NTRK2: variants seen among roughly 807,000 people sequenced by gnomAD.
The protein encoded by NTRK2 is BDNF/NT-3 growth factors receptor.
In NTRK2, 13 loss-of-function variants were observed where a neutral mutation model predicts 94.5. The ratio of observed to expected loss-of-function variants is 0.14; its 90% CI spans 0.09 to 0.22. The LOEUF (loss-of-function observed/expected upper bound fraction) is 0.22. Among genes scored for constraint, NTRK2 ranks in the 10% least tolerant of loss-of-function variants. The pLI is 1.00. For missense variants in NTRK2, 639 were observed against 1,071.2 expected (o/e 0.60, Z 5.63); for synonymous variants, 372 against 407.4 (o/e 0.91, Z 1.05).
At chr9:84,799,731 G>A (rs1021863541) in intron 12 of NTRK2, among the ~76,000 whole-genome samples, 11 of 152,000 alleles carry the variant, frequency 7.2e-5, no homozygotes, top group Non-Finnish European at 1.0e-4. Flanking sequence ...TTGGTATTCC[G>A]TGCCATTCTA....
chr9:84,677,297 CT>C (rs1405046981), intron 2 of NTRK2, among the ~76,000 whole-genome samples: 2 of 152,102 alleles, frequency 1.3e-5, no homozygotes, highest in East Asian at 3.9e-4. Context: ...TTTCTTCCCC[CT>C]GACTTCTCAA....
intron 6 of NTRK2, among the ~76,000 whole-genome samples, chr9:84,712,274 C>T (rs1349412251): frequency 2.6e-5 from 4 of 152,274 alleles, no homozygotes; most frequent in South Asian, 4.1e-4. Context: ...GGCAGCATTC[C>T]GGGAATGCAC....
chr9:84,905,606 T>C (rs184540197), intron 14 of NTRK2, among the ~76,000 whole-genome samples: 383 of 152,292 alleles, frequency 2.5e-3, no homozygotes, highest in African/African-American at 8.8e-3. Context: ...AAATTTTAGG[T>C]GTATACTGGC....
intron 14 of NTRK2, among the ~76,000 whole-genome samples, chr9:84,918,805 C>G (rs533773686): frequency 5.3e-5 from 8 of 152,300 alleles, no homozygotes; most frequent in Non-Finnish European, 8.8e-5. Context: ...ATTTTCATCA[C>G]TACCACTATA....
At chr9:84,712,618 T>C (rs2061483986) in intron 6 of NTRK2, among the ~76,000 whole-genome samples, 1 of 152,184 alleles carries the variant, frequency 6.6e-6, no homozygotes, top group African/African-American at 2.4e-5. Context: ...CGTTTTTGTG[T>C]TCTTAACTGT....
intron 14 of NTRK2, among the ~76,000 whole-genome samples, chr9:84,908,416 A>G (rs2077139677): frequency 6.6e-6 from 1 of 152,256 alleles, no homozygotes; most frequent in Non-Finnish European, 1.5e-5. Flanking sequence ...GACACAAAGA[A>G]AGAAAAAACG....
chr9:84,869,746 T>C lies in NTRK2; in HGVS notation c.1633+2315T>C, dbSNP rs75921374. ...GTGTACCTTTGATGTCGGCCACATGTTGACCAGATGTAGCTTTATATTACT... is the reference window on the plus strand; with the variant it reads ...GTGTACCTTTGATGTCGGCCACATGCTGACCAGATGTAGCTTTATATTACT... On this transcript the variant is annotated intron_variant, in intron 14 of 18. Coordinates refer to ENST00000277120, the MANE Select transcript of NTRK2 (RefSeq NM_006180.6). 6.6e-3 allele frequency among the ~76,000 whole-genome samples: 1,001 copies of C among 152,230 alleles called. 19 individuals carry two copies. In the East Asian group the frequency reaches 0.076, roughly 12 times the overall value.
intron 2 of NTRK2, among the ~76,000 whole-genome samples, chr9:84,697,716 C>T (rs565167379): frequency 2.0e-5 from 3 of 152,262 alleles, no homozygotes; most frequent in Non-Finnish European, 2.9e-5. Flanking sequence ...GAGGGGGCAG[C>T]GCAGCACACA....
intron 12 of NTRK2, among the ~76,000 whole-genome samples, chr9:84,852,489 C>T (rs972717234): frequency 6.6e-6 from 1 of 152,158 alleles, no homozygotes; most frequent in Admixed American, 6.5e-5. Flanking sequence ...TTTCTCACGT[C>T]TGTCAACTCT....
intron 14 of NTRK2, chr9:84,872,413 T>A: frequency 9.3e-7 from 1 of 1,079,678 alleles, no homozygotes; most frequent in Non-Finnish European, 1.1e-6. Context: ...ACACTATAGA[T>A]GTCCTCCCTA....
At chr9:84,812,539 A>G (rs2071925687) in intron 12 of NTRK2, 2 of 1,046,396 alleles carry the variant, frequency 1.9e-6, no homozygotes, top group East Asian at 5.6e-5. Context: ...ATCTTTCCCA[A>G]AGGTGTTGAT....
intron 17 of NTRK2, among the ~76,000 whole-genome samples, chr9:85,004,053 G>GAAAAGAAAGAAAGAAA (rs1316613240): frequency 1.5e-5 from 1 of 64,822 alleles, no homozygotes; most frequent in African/African-American, 6.1e-5. Flanking sequence ...AAGGGAGAAA[G>GAAAAGAAAGAAAGAAA]AGAAAGAAAG....
chr9:84,898,194 A>G (rs1359490198), intron 14 of NTRK2, among the ~76,000 whole-genome samples: 1 of 152,162 alleles, frequency 6.6e-6, no homozygotes, highest in Non-Finnish European at 1.5e-5. Context: ...GCCTAGCAAC[A>G]TCTGACTTCT....
At chr9:85,014,063 G>A (rs1831943169) in intron 17 of NTRK2, among the ~76,000 whole-genome samples, 1 of 152,208 alleles carries the variant, frequency 6.6e-6, no homozygotes, top group African/African-American at 2.4e-5. Flanking sequence ...GAAGGGAGAT[G>A]ACAGAGGGAG....
intron 7 of NTRK2, 105 bp downstream of exon 7, chr9:84,723,814 A>G (rs1200448263): frequency 6.8e-7 from 1 of 1,477,948 alleles, no homozygotes; most frequent in South Asian, 1.1e-5. Flanking sequence ...ATAAGGCTAC[A>G]TATAGAAATT....
intron 17 of NTRK2, among the ~76,000 whole-genome samples, chr9:85,004,009 AAAAGAAAGAGAGAAAG>A (rs1297247082): frequency 5.0e-5 from 1 of 20,096 alleles, no homozygotes; most frequent in Non-Finnish European, 1.1e-4. Flanking sequence ...AGAAAGAAAG[AAAAGAAAGAGAGAAAG>A]AAAGAAAGAG....
At chr9:84,914,958 C>T (rs918322345) in intron 14 of NTRK2, among the ~76,000 whole-genome samples, 1 of 152,142 alleles carries the variant, frequency 6.6e-6, no homozygotes, top group South Asian at 2.1e-4. Context: ...TTTCCACACA[C>T]CGGGAATGAG....
At position 85,022,713 on chromosome 9, in the gene NTRK2, A is replaced by G; in HGVS notation, c.*1276A>G. ...CCCTGATAGGTAGAGCAGATCCATAAAAAGGTATGACTTATACAATTAGGG... is the reference window on the plus strand; with the variant it reads ...CCCTGATAGGTAGAGCAGATCCATAGAAAGGTATGACTTATACAATTAGGG... On this transcript the variant is annotated 3_prime_UTR_variant, in exon 19 of 19. Transcript: ENST00000277120. 4.3e-6 allele frequency: 1 copy of G among 233,274 alleles called. No individual in the cohort carries two copies. Among genetic ancestry groups the G allele is most frequent in the African/African-American group, 2.2e-5 (1 of 45,468 alleles). The allele number at this position is 233,274 out of a possible 1,614,324, so 14.5% of individuals were successfully genotyped here.
At chr9:84,813,711 C>A (rs1175333351) in intron 12 of NTRK2, 1 of 1,066,176 alleles carries the variant, frequency 9.4e-7, no homozygotes, top group Non-Finnish European at 1.1e-6. Flanking sequence ...CCCGTGTGGC[C>A]AGAGACATCC....
Sources: gnomAD v4.1 joint callset for allele counts (sites outside exome capture counted in the v4.1 genomes callset) on GRCh38, gnomAD v4.1.1 for gene constraint, MANE v1.5 for transcripts, NCBI Gene and HGNC (gene_info 2026-07-23, HGNC 2026-07-21) for gene names.